The following PLPP4 variants were observed in gnomAD, a reference collection of about 807,000 sequenced individuals.
The protein encoded by PLPP4 is phospholipid phosphatase 4, also known as diacylglycerol pyrophosphate like 2.
In PLPP4, 20 loss-of-function variants were observed where a neutral mutation model predicts 32.2. The observed-to-expected ratio is 0.62, with a 90% CI of 0.44 to 0.90. The LOEUF (loss-of-function observed/expected upper bound fraction) is 0.90, where lower values mean the gene tolerates loss of function less well. Ranked by LOEUF, PLPP4 falls within the 40% of genes least tolerant of loss-of-function variation. The probability of loss-of-function intolerance (pLI) is 0.00; values close to 1 mark genes in which losing one functional copy is unlikely to be tolerated. For synonymous variants in PLPP4, 127 were observed against 133.0 expected (o/e 0.95, Z 0.31); for missense variants, 257 against 353.1 (o/e 0.73, Z 2.18).
In PLPP4 at chr10:120,583,903, C is replaced by T. The variant is rs187105187; in HGVS notation, c.617-5400C>T. ...ACACCACTGGTGGTAGGTGTGAGGC[C>T]ACAGAGTGCATAGATGGCAGGCCAG... On this transcript the variant is annotated intron_variant, in intron 6 of 6. Coordinates refer to ENST00000398250, the MANE Select transcript of PLPP4 (RefSeq NM_001030059.3). Among the ~76,000 whole-genome samples, 368 of 152,248 alleles carry T rather than the reference C, an allele frequency of 2.4e-3. 7 individuals carry two copies. The highest frequency in any genetic ancestry group is 8.4e-3 in the African/African-American group (347 of 41,536).
chr10:120,576,219 G>A (rs1304098346), intron 6 of PLPP4, among the ~76,000 whole-genome samples: 1 of 152,208 alleles, frequency 6.6e-6, no homozygotes, highest in African/African-American at 2.4e-5. Context: ...CCAAACAAAG[G>A]AAAGAAAGTG....
chr10:120,523,752 CCTAAGAAGTGAAATT>C (rs1389954737), intron 5 of PLPP4, among the ~76,000 whole-genome samples: 1 of 152,188 alleles, frequency 6.6e-6, no homozygotes, highest in Non-Finnish European at 1.5e-5. Flanking sequence ...ATTAAAAGCA[CCTAAGAAGTGAAATT>C]CTAAGGAATA....
At chr10:120,579,434 G>A (rs140970653) in intron 6 of PLPP4, among the ~76,000 whole-genome samples, 3 of 152,098 alleles carry the variant, frequency 2.0e-5, no homozygotes, top group East Asian at 3.9e-4. Context: ...TATTGCGTTC[G>A]CCTGCTTTCC....
intron 1 of PLPP4, among the ~76,000 whole-genome samples, chr10:120,495,956 G>A (rs1844943678): frequency 6.6e-6 from 1 of 152,160 alleles, no homozygotes; most frequent in African/African-American, 2.4e-5. Flanking sequence ...GGGGACGGGA[G>A]GAAGATATGT....
chr10:120,518,594 G>C (rs1373730941), intron 3 of PLPP4, among the ~76,000 whole-genome samples: 1 of 152,190 alleles, frequency 6.6e-6, no homozygotes, highest in Non-Finnish European at 1.5e-5. Flanking sequence ...TCAAGGAGGA[G>C]AGATAAATTT....
chr10:120,542,824 C>T (rs556400356), intron 5 of PLPP4, among the ~76,000 whole-genome samples: 1 of 152,290 alleles, frequency 6.6e-6, no homozygotes, highest in South Asian at 2.1e-4. Flanking sequence ...ATCAGTTAGA[C>T]CCCTGATTGT....
chr10:120,479,389 G>A (rs930133681), intron 1 of PLPP4, among the ~76,000 whole-genome samples: 2 of 152,176 alleles, frequency 1.3e-5, no homozygotes, highest in African/African-American at 4.8e-5. Context: ...AATGTTCCTT[G>A]CTAGAAAAAC....
intron 5 of PLPP4, among the ~76,000 whole-genome samples, chr10:120,571,954 T>C (rs915079329): frequency 2.6e-5 from 4 of 152,178 alleles, no homozygotes; most frequent in Non-Finnish European, 4.4e-5. Context: ...TGGAGCCTCA[T>C]TGTGTAACTT....
intron 1 of PLPP4, among the ~76,000 whole-genome samples, chr10:120,493,915 A>T (rs1844836547): frequency 1.3e-5 from 2 of 152,128 alleles, no homozygotes; most frequent in Non-Finnish European, 1.5e-5. Context: ...TATGGGAGGC[A>T]GGCTTTGTAG....
chr10:120,577,853 TA>T (rs1317603446), intron 6 of PLPP4, among the ~76,000 whole-genome samples: 1 of 152,226 alleles, frequency 6.6e-6, no homozygotes, highest in Non-Finnish European at 1.5e-5. Context: ...AGGCTCATTT[TA>T]CCTGAGTTCC....
intron 5 of PLPP4, among the ~76,000 whole-genome samples, chr10:120,565,355 T>TGTGTGTGC (rs1554896520): frequency 1.4e-3 from 188 of 132,686 alleles, no homozygotes; most frequent in South Asian, 2.6e-3. Context: ...TGTGTGTGTG[T>TGTGTGTGC]GTGTGTGCTG....
chr10:120,503,574 C>A, intron 1 of PLPP4: 1 of 1,608,928 alleles, frequency 6.2e-7, no homozygotes, highest in South Asian at 1.1e-5. Context: ...CAAAGCTACT[C>A]CCTTATGCAT....
At chr10:120,475,903 G>A (rs1048802597) in intron 1 of PLPP4, among the ~76,000 whole-genome samples, 19 of 56,112 alleles carry the variant, frequency 3.4e-4, no homozygotes, top group African/African-American at 6.3e-4. Context: ...TGATGTGGGC[G>A]GGGGGCACCA....
intron 6 of PLPP4, among the ~76,000 whole-genome samples, chr10:120,578,932 A>C (rs1399842157): frequency 6.6e-6 from 1 of 152,222 alleles, no homozygotes; most frequent in South Asian, 2.1e-4. Flanking sequence ...GTGATTAACA[A>C]TGTGTTTAGC....
intron 2 of PLPP4, among the ~76,000 whole-genome samples, chr10:120,504,180 G>T (rs974476894): frequency 6.6e-6 from 1 of 152,174 alleles, no homozygotes; most frequent in African/African-American, 2.4e-5. Context: ...AATTCTCTCA[G>T]CAAGGCCATT....
chr10:120,507,439 G>A (rs1370273592), intron 2 of PLPP4, among the ~76,000 whole-genome samples: 1 of 152,030 alleles, frequency 6.6e-6, no homozygotes, highest in Non-Finnish European at 1.5e-5. Context: ...CAGGGGCTGT[G>A]CTTATCACTT....
chr10:120,522,883 A>T (rs1184738347), intron 5 of PLPP4, among the ~76,000 whole-genome samples: 1 of 152,204 alleles, frequency 6.6e-6, no homozygotes, highest in Non-Finnish European at 1.5e-5. Context: ...ACTGTTTTAC[A>T]TGCCAAAAAA....
intron 1 of PLPP4, among the ~76,000 whole-genome samples, chr10:120,495,562 G>A (rs150547134): frequency 6.6e-6 from 1 of 152,298 alleles, no homozygotes; most frequent in Non-Finnish European, 1.5e-5. Flanking sequence ...ATAGTGCAGT[G>A]AGGAAATATG....
At chr10:120,500,266 G>A (rs1226765506) in intron 1 of PLPP4, among the ~76,000 whole-genome samples, 3 of 152,188 alleles carry the variant, frequency 2.0e-5, no homozygotes, top group Non-Finnish European at 4.4e-5. Context: ...GCTCTGTGGT[G>A]TACCTGGTCC....
Sources: allele counts gnomAD v4.1 joint callset (sites outside exome capture counted in the v4.1 genomes callset), GRCh38; gene constraint gnomAD v4.1.1; transcripts MANE v1.5; gene names NCBI Gene and HGNC (gene_info 2026-07-23, HGNC 2026-07-21).